The following TMEM232 variants were observed in gnomAD, a reference collection of about 807,000 sequenced individuals.
The protein encoded by TMEM232 is transmembrane protein 232.
TMEM232 carries 80 observed loss-of-function variants against 78.8 expected under a neutral mutation model. That is an observed-to-expected ratio of 1.01 (90% CI 0.85 to 1.22). The LOEUF is 1.22. TMEM232 is among the 50% of genes most tolerant of loss of function. The probability of loss-of-function intolerance (pLI) is 0.00; values close to 1 mark genes in which losing one functional copy is unlikely to be tolerated. For missense variants in TMEM232, 881 were observed against 742.2 expected (o/e 1.19, Z -2.17); for synonymous variants, 297 against 254.3 (o/e 1.17, Z -1.60).
rs143489572 is a variant in TMEM232, at chr5:110,476,240, A to G, written c.1704-51324T>C. On this transcript the variant is annotated intron_variant, in intron 12 of 13. Coordinates refer to ENST00000455884, the MANE Select transcript of TMEM232 (RefSeq NM_001039763.4). ...CTGGAGATGGGGCTTTTAAAAGGTA[A>G]TTAATGTTAAATGAAGTCATATGGA... Among the ~76,000 whole-genome samples the G allele has an allele frequency of 6.6e-5, 10 of 152,116 alleles. No individual in the cohort carries two copies. The East Asian group carries it at 1.9e-3, about 29-fold the overall frequency.
intron 12 of TMEM232, among the ~76,000 whole-genome samples, chr5:110,498,199 G>T (rs1382626213): frequency 1.3e-5 from 2 of 152,058 alleles, no homozygotes. Context: ...TAAAGTTCAA[G>T]AAGTTCAAGA....
At chr5:110,734,579 C>T (rs1398527994) in intron 2 of TMEM232, among the ~76,000 whole-genome samples, 3 of 152,114 alleles carry the variant, frequency 2.0e-5, no homozygotes, top group Non-Finnish European at 2.9e-5. Flanking sequence ...AATGCTATAG[C>T]CTATCAAGTA....
At chr5:110,462,299 A>G (rs965984544) in intron 12 of TMEM232, among the ~76,000 whole-genome samples, 2 of 152,180 alleles carry the variant, frequency 1.3e-5, no homozygotes, top group Admixed American at 6.5e-5. Flanking sequence ...TTGAGTGTCA[A>G]CTTTGATTGG....
chr5:110,531,481 G>A (rs1771471337), intron 11 of TMEM232, among the ~76,000 whole-genome samples: 1 of 152,110 alleles, frequency 6.6e-6, no homozygotes, highest in Admixed American at 6.5e-5. Context: ...TCCGGTAAGT[G>A]GCCTCTTTTT....
chr5:110,570,752 A>C (rs1776851070), intron 10 of TMEM232, among the ~76,000 whole-genome samples: 1 of 151,990 alleles, frequency 6.6e-6, no homozygotes, highest in African/African-American at 2.4e-5. Context: ...CGTTGTGGAA[A>C]CTGACCTTTC....
chr5:110,431,352 G>A (rs1347596332), intron 12 of TMEM232, among the ~76,000 whole-genome samples: 1 of 151,290 alleles, frequency 6.6e-6, no homozygotes, highest in African/African-American at 2.4e-5. Flanking sequence ...TTACACTCTG[G>A]CGTTATGTTT....
At chr5:110,566,661 C>T (rs1776380438) in intron 11 of TMEM232, among the ~76,000 whole-genome samples, 1 of 151,950 alleles carries the variant, frequency 6.6e-6, no homozygotes, top group Non-Finnish European at 1.5e-5. Context: ...TCACTATCAG[C>T]ATTTTGGTGA....
chr5:110,594,098 G>A (rs1036001476), intron 10 of TMEM232, among the ~76,000 whole-genome samples: 6 of 151,908 alleles, frequency 3.9e-5, no homozygotes. Flanking sequence ...ATTTCTAACT[G>A]AAGTACCCAG....
At chr5:110,423,468 A>G (rs1011071886) in intron 13 of TMEM232, among the ~76,000 whole-genome samples, 24 of 152,202 alleles carry the variant, frequency 1.6e-4, no homozygotes, top group Non-Finnish European at 2.9e-5. Flanking sequence ...AAAAATAAAT[A>G]TAATATTTAG....
chr5:110,684,538 C>G (rs1332830996), intron 1 of TMEM232, among the ~76,000 whole-genome samples: 2 of 152,004 alleles, frequency 1.3e-5, no homozygotes, highest in African/African-American at 2.4e-5. Flanking sequence ...AAATGAAAAG[C>G]TATTTTAAAC....
At chr5:110,707,438 C>T (rs1796035687) in intron 1 of TMEM232, among the ~76,000 whole-genome samples, 1 of 152,214 alleles carries the variant, frequency 6.6e-6, no homozygotes, top group Non-Finnish European at 1.5e-5. Context: ...ACAGCCAGAA[C>T]CTGTGCATGA....
intron 11 of TMEM232, among the ~76,000 whole-genome samples, chr5:110,543,773 T>C (rs974209445): frequency 6.6e-6 from 1 of 152,140 alleles, no homozygotes; most frequent in African/African-American, 2.4e-5. Context: ...CCAGGAAGAC[T>C]CTACCTAACC....
Position 110,420,702 on chromosome 5 carries a change from C to A in TMEM232, c.1852G>T (p.Glu618Ter). ...EKEDAICKAQELKDKKLAEKN... is the reference protein window; with the variant it reads ...EKEDAICKAQ ...TCTGCTAACTTTTTATCTTTAAGTT[C>A]TTGGGCCTTGCATATTGCATCTTCT... Residue 618 changes from glutamate to a stop codon, truncating the protein, a stop_gained, in exon 14 of 14, where the codon GAA (glutamate) becomes TAA (stop). Transcript: ENST00000455884. LOFTEE classifies it low-confidence loss of function (END_TRUNC). The A allele has an allele frequency of 6.5e-7, 1 of 1,526,948 alleles. No individual in the cohort carries two copies. Among genetic ancestry groups the A allele is most frequent in the Non-Finnish European group, 8.7e-7 (1 of 1,144,030 alleles). 94.6% of individuals were successfully genotyped at this position (1,526,948 alleles called of 1,614,324 possible). A position where few individuals can be genotyped will look rare whatever the true frequency, so the allele number is the denominator to read the frequency against.
intron 12 of TMEM232, among the ~76,000 whole-genome samples, chr5:110,498,799 A>G (rs1156485182): frequency 6.6e-6 from 1 of 152,168 alleles, no homozygotes; most frequent in African/African-American, 2.4e-5. Context: ...GACTTTCTAT[A>G]ACTAAGGGAT....
In TMEM232 at chr5:110,619,276, C is replaced by T. The variant is rs535761909; in HGVS notation, c.769-714G>A. Among the ~76,000 whole-genome samples the T allele has an allele frequency of 5.3e-5, 8 of 152,164 alleles. No homozygotes were observed. In the South Asian group the frequency reaches 1.7e-3, roughly 32 times the overall value. ...AATGAAACACTTAGAATCTAAAGGG[C>T]TTCATAATTCTTATTTATTATATAA... On this transcript the variant is annotated intron_variant, in intron 7 of 13. Coordinates refer to ENST00000455884, the MANE Select transcript of TMEM232 (RefSeq NM_001039763.4).
chr5:110,572,682 C>T (rs941377694), intron 10 of TMEM232, among the ~76,000 whole-genome samples: 1 of 152,006 alleles, frequency 6.6e-6, no homozygotes, highest in Non-Finnish European at 1.5e-5. Context: ...AGTCACAATT[C>T]CTTTTAAATT....
chr5:110,400,765 T>G (rs1755562715), intron 2 of TMEM232, among the ~76,000 whole-genome samples: 1 of 152,106 alleles, frequency 6.6e-6, no homozygotes, highest in Non-Finnish European at 1.5e-5. Context: ...AGCTTCTACT[T>G]AGACACACTA....
At chr5:110,644,795 T>A (rs1787245403) in intron 2 of TMEM232, among the ~76,000 whole-genome samples, 1 of 150,742 alleles carries the variant, frequency 6.6e-6, no homozygotes, top group Admixed American at 6.6e-5. Flanking sequence ...AAACTAAAAA[T>A]CATCAAAACT....
intron 1 of TMEM232, among the ~76,000 whole-genome samples, chr5:110,695,196 A>G (rs1794620524): frequency 6.6e-6 from 1 of 152,246 alleles, no homozygotes; most frequent in Admixed American, 6.5e-5. Context: ...CTGCTCCTGA[A>G]TGACTACTGG....
Sources: allele counts gnomAD v4.1 joint callset (sites outside exome capture counted in the v4.1 genomes callset), GRCh38; gene constraint gnomAD v4.1.1; transcripts MANE v1.5; gene names NCBI Gene and HGNC (gene_info 2026-07-23, HGNC 2026-07-21).